The following MEF2C variants were observed in gnomAD, a reference collection of about 807,000 sequenced individuals.
MEF2C encodes myocyte-specific enhancer factor 2C.
A neutral mutation model predicts 50.5 loss-of-function variants in MEF2C; 6 were observed. The ratio of observed to expected loss-of-function variants is 0.12; its 90% confidence interval spans 0.07 to 0.23. The LOEUF is 0.23. Among genes scored for constraint, MEF2C ranks in the 10% least tolerant of loss-of-function variants. The probability of loss-of-function intolerance (pLI) is 1.00; values close to 1 mark genes in which losing one functional copy is unlikely to be tolerated. For synonymous variants in MEF2C, 183 were observed against 228.0 expected, an observed-to-expected ratio of 0.80 and a Z score of 1.78; for missense variants, 276 against 605.0, an observed-to-expected ratio of 0.46 and a Z score of 5.70.
intron 1 of MEF2C, among the ~76,000 whole-genome samples, chr5:88,828,138 G>C (rs931184561): frequency 6.6e-6 from 1 of 151,886 alleles, no homozygotes; most frequent in Admixed American, 6.6e-5. Context: ...GCGTATCTGA[G>C]TCATCATCAG....
intron 2 of MEF2C, among the ~76,000 whole-genome samples, chr5:88,813,890 A>G (rs769886109): frequency 3.3e-5 from 5 of 151,978 alleles, no homozygotes; most frequent in Admixed American, 6.6e-5. Flanking sequence ...TTCCCTCCAA[A>G]TAAGAGTCAT....
intron 1 of MEF2C, among the ~76,000 whole-genome samples, chr5:88,857,100 C>T (rs1439137941): frequency 6.6e-6 from 1 of 152,226 alleles, no homozygotes; most frequent in Non-Finnish European, 1.5e-5. Flanking sequence ...GCAGAGCTGT[C>T]CAAGGCCATG....
chr5:88,843,957 G>A (rs556071025), intron 1 of MEF2C, among the ~76,000 whole-genome samples: 130 of 151,978 alleles, frequency 8.6e-4, no homozygotes, highest in South Asian at 1.7e-3. Context: ...CTACAGGTGC[G>A]CACCACCACG....
chr5:88,856,517 C>A (rs547307867), intron 1 of MEF2C, among the ~76,000 whole-genome samples: 148 of 152,340 alleles, frequency 9.7e-4, no homozygotes, highest in Non-Finnish European at 1.9e-3. Context: ...CAGGGCATGT[C>A]AGAGACCTTC....
At chr5:88,779,156 TA>T (rs1389412639) in intron 3 of MEF2C, among the ~76,000 whole-genome samples, 1 of 152,226 alleles carries the variant, frequency 6.6e-6, no homozygotes, top group Non-Finnish European at 1.5e-5. Context: ...TAAATAATAT[TA>T]ACCACATATT....
chr5:88,811,070 T>C (rs538172740), intron 2 of MEF2C, among the ~76,000 whole-genome samples: 4 of 152,268 alleles, frequency 2.6e-5, no homozygotes, highest in Admixed American at 2.0e-4. Context: ...CTGATCTTTT[T>C]GTTTGTCAGA....
intron 9 of MEF2C, 106 bp from the exon 10 acceptor site, chr5:88,728,734 C>T (rs1334338633): frequency 3.7e-6 from 3 of 805,010 alleles, no homozygotes; most frequent in African/African-American, 1.8e-5. Flanking sequence ...TTAGGATTAT[C>T]GTTATTATAG....
At chr5:88,783,572 G>A (rs996170152) in intron 3 of MEF2C, among the ~76,000 whole-genome samples, 3 of 152,162 alleles carry the variant, frequency 2.0e-5, no homozygotes, top group African/African-American at 7.2e-5. Flanking sequence ...GGAGGTTGCG[G>A]TGAGCTGAGA....
Position 88,897,950 on chromosome 5 carries a change from G to A in MEF2C, c.-240+5966C>T, listed in dbSNP as rs1835282082. 2.6e-5 allele frequency among the ~76,000 whole-genome samples: 4 copies of A among 152,178 alleles called. No homozygotes were observed. The South Asian group carries it at 6.2e-4, about 24-fold the overall frequency. Reference sequence around the variant, plus strand: ...TCCAGATTCATGGGCCCCACCTCAGGCCCACTTAGCTGCAATCTCAGGAAT... The same window carrying A: ...TCCAGATTCATGGGCCCCACCTCAGACCCACTTAGCTGCAATCTCAGGAAT... On this transcript the variant is annotated intron_variant, in intron 1 of 11. Transcript: ENST00000340208.
intron 6 of MEF2C, chr5:88,736,029 G>T: frequency 1.0e-6 from 1 of 985,278 alleles, no homozygotes; most frequent in Non-Finnish European, 1.2e-6. Context: ...TTCTGCCATT[G>T]GCATAACCAT....
intron 1 of MEF2C, among the ~76,000 whole-genome samples, chr5:88,831,020 C>G (rs938053063): frequency 6.6e-6 from 1 of 152,112 alleles, no homozygotes; most frequent in Non-Finnish European, 1.5e-5. Context: ...TATAGATTTT[C>G]ATGCTATTAT....
At chr5:88,726,432 C>A (rs775176117) in intron 10 of MEF2C, among the ~76,000 whole-genome samples, 4 of 151,980 alleles carry the variant, frequency 2.6e-5, no homozygotes, top group Non-Finnish European at 5.9e-5. Flanking sequence ...AACATTTAAT[C>A]GTGTGAATAT....
At chr5:88,731,213 C>G (rs1040623513) in intron 7 of MEF2C, among the ~76,000 whole-genome samples, 1 of 152,046 alleles carries the variant, frequency 6.6e-6, no homozygotes, top group Non-Finnish European at 1.5e-5. Context: ...TGAATTGAGG[C>G]AGTGTGTAGG....
In MEF2C at chr5:88,899,151, A is replaced by G. The variant is rs570716012; in HGVS notation, c.-240+4765T>C. ...GTCATAACATAATTTTGAGAATGAG[A>G]CTTTTTGTATTATGTTACTAGGGTC... On this transcript the variant is annotated intron_variant, in intron 1 of 11. Coordinates refer to the MEF2C transcript ENST00000340208. Among the ~76,000 whole-genome samples, 3 of 152,268 alleles carry G rather than the reference A, an allele frequency of 2.0e-5. 1 individual carries two copies. The South Asian group carries it at 6.2e-4, about 32-fold the overall frequency.
chr5:88,898,827 C>G (rs1047244785), intron 1 of MEF2C, among the ~76,000 whole-genome samples: 1 of 152,034 alleles, frequency 6.6e-6, no homozygotes, highest in Admixed American at 6.6e-5. Flanking sequence ...ATTGAACTCC[C>G]CAGCTGTATT....
At chr5:88,850,855 C>T (rs1446837688) in intron 1 of MEF2C, among the ~76,000 whole-genome samples, 2 of 151,954 alleles carry the variant, frequency 1.3e-5, no homozygotes, top group East Asian at 1.9e-4. Flanking sequence ...CTCTACCACC[C>T]GAGACAGCAA....
chr5:88,810,682 C>T (rs528281594), intron 2 of MEF2C, among the ~76,000 whole-genome samples: 5 of 152,090 alleles, frequency 3.3e-5, no homozygotes, highest in East Asian at 1.9e-4. Flanking sequence ...TTAATGAGGC[C>T]GACTTAATTG....
intron 3 of MEF2C, chr5:88,781,005 G>T: frequency 1.1e-6 from 1 of 901,118 alleles, no homozygotes; most frequent in Non-Finnish European, 1.3e-6. Context: ...CCTCTATTTG[G>T]CAGAGTTCCA....
intron 3 of MEF2C, chr5:88,775,806 G>A (rs1403127973): frequency 7.8e-5 from 77 of 983,664 alleles, no homozygotes; most frequent in Non-Finnish European, 9.2e-5. Context: ...GTGACACTGA[G>A]AACTGAAAAA....
Sources: gnomAD v4.1 joint callset for allele counts (sites outside exome capture counted in the v4.1 genomes callset) on GRCh38, gnomAD v4.1.1 for gene constraint, MANE v1.5 for transcripts, NCBI Gene and HGNC (gene_info 2026-07-23, HGNC 2026-07-21) for gene names.